Variants in CSH1 observed in about 807,000 individuals in gnomAD.
CSH1 encodes the protein Chorionic somatomammotropin hormone 2.
A neutral mutation model predicts 19.4 loss-of-function variants in CSH1; 17 were observed. The ratio of observed to expected loss-of-function variants is 0.88; its 90% CI spans 0.60 to 1.31. The LOEUF is 1.31. CSH1 is among the 40% of genes most tolerant of loss of function. The pLI is 0.00. For missense variants in CSH1, 190 were observed against 243.1 expected, an observed-to-expected ratio of 0.78 and a Z score of 1.45; for synonymous variants, 72 against 104.6, an observed-to-expected ratio of 0.69 and a Z score of 1.90.
At chr17:63,896,381 A>T in intron 1 of CSH1, 121 bp downstream of exon 1, 1 of 1,514,670 alleles carries the variant, frequency 6.6e-7, no homozygotes. Flanking sequence ...ATCTGGCCTT[A>T]GATGGCGATA....
chr17:63,895,141 G>C lies in CSH1; in HGVS notation c.535C>G (p.His179Asp), dbSNP rs535585252. The change falls in exon 5 of 5, where the codon CAT (histidine) becomes GAT (aspartate). Residue 179 changes from histidine (H) to aspartate (D), a missense_variant. Around this residue, in one of 3 missense-constraint regions of CSH1, gnomAD observed 175 missense variants for 187.2 expected, o/e 0.93. Transcript: ENST00000316193. ...YSKFDTNSHNHDALLKNYGLL... is the reference protein window; with the variant it reads ...YSKFDTNSHNDDALLKNYGLL... ...CCGTAGTTCTTGAGCAGTGCGTCAT[G>C]GTTGTGCGAGTTTGTGTCAAACTTG... 4.9e-5 allele frequency: 79 copies of C among 1,612,840 alleles called. 2 individuals are homozygous for C. The highest frequency in any genetic ancestry group is 6.5e-5 in the Non-Finnish European group (77 of 1,179,580).
rs1481579131 is a variant in CSH1 at position 63,895,584 on chromosome 17, G to C, written c.345C>G (p.Pro115=). 6.3e-7 allele frequency: 1 copy of C among 1,590,334 alleles called. No homozygotes were observed. The highest frequency in any genetic ancestry group is 8.5e-7 in the Non-Finnish European group (1 of 1,172,546). ...SLLLIESWLE[P]VRFLRSMFAN... ...CGAACATACTCCTGAGGAACCGCAC[G>C]GGCTCCAGCCACGACTCGATGAGCA... Residue 115 remains proline, a synonymous_variant, in exon 4 of 5, where the codon CCC becomes CCG. Coordinates refer to ENST00000316193, the MANE Select transcript of CSH1 (RefSeq NM_001317.6).
chr17:63,895,577 A>G lies in CSH1; in HGVS notation c.352T>C (p.Phe118Leu). 6.3e-7 allele frequency: 1 copy of G among 1,593,074 alleles called. No individual in the cohort carries two copies. The highest frequency in any genetic ancestry group is 8.5e-7 in the Non-Finnish European group (1 of 1,173,642). The change falls in exon 4 of 5, where the codon TTC becomes CTC. Residue 118 changes from phenylalanine (F) to leucine (L), a missense_variant. Transcript: ENST00000316193. ...TTGTTGGCGAACATACTCCTGAGGA[A>G]CCGCACGGGCTCCAGCCACGACTCG... is the stretch of plus-strand genomic sequence containing the variant. ...LIESWLEPVR[F>L]LRSMFANNLV...
Position 63,895,652 on chromosome 17 carries a change from C to T in CSH1, c.292-15G>A. On this transcript the variant is annotated splice_polypyrimidine_tract_variant and intron_variant, in intron 3 of 4. Transcript: ENST00000316193. ...AGCTCTAGATTCTGCAGGGGAAGGA[C>T]CGGCAGTGGCTGTGCTGCCCGGGAG... The T allele has an allele frequency of 4.7e-6, 7 of 1,502,070 alleles. No individual in the cohort carries two copies. Among genetic ancestry groups the T allele is most frequent in the Non-Finnish European group, 6.2e-6 (7 of 1,124,448 alleles). 93.0% of individuals were successfully genotyped at this position (1,502,070 alleles called of 1,614,324 possible).
Position 63,895,566 on chromosome 17 carries a change from A to T in CSH1, c.363T>A (p.Ser121Arg). ...SWLEPVRFLR[S>R]MFANNLVYDT... is the part of the protein sequence containing the mutation. ...CATACACCAGGTTGTTGGCGAACAT[A>T]CTCCTGAGGAACCGCACGGGCTCCA... The change falls in exon 4 of 5, where the codon AGT (serine) becomes AGA (arginine). Residue 121 changes from serine to arginine, a missense_variant. Physicochemically the swap from Ser to Arg is moderately radical, Grantham distance 110. Coordinates refer to ENST00000316193, the MANE Select transcript of CSH1 (RefSeq NM_001317.6). The T allele has an allele frequency of 6.3e-7, 1 of 1,596,980 alleles. No homozygotes were observed. The highest frequency in any genetic ancestry group is 8.5e-7 in the Non-Finnish European group (1 of 1,175,016).
At chr17:63,895,447 T>C in intron 4 of CSH1, 26 bp downstream of exon 4, 1 of 1,612,874 alleles carries the variant, frequency 6.2e-7, no homozygotes. Context: ...GGTTCCAGGA[T>C]TGGTGACCCC....
rs780258409 is a variant in CSH1 at position 63,895,425 on chromosome 17, C to G, written c.456+48G>C. ...AGCAGTATTTCTCTCCCCCAGCCCT[C>G]GAAGCCAGTGGGGTTCCAGGATTGG... On this transcript the variant is annotated intron_variant, in intron 4 of 4. Coordinates refer to ENST00000316193, the MANE Select transcript of CSH1 (RefSeq NM_001317.6). 1.2e-5 allele frequency: 19 copies of G among 1,612,942 alleles called. No homozygotes were observed. The South Asian group carries it at 2.0e-4, about 17-fold the overall frequency.
chr17:63,895,389 A>T (rs773700936), intron 4 of CSH1, 84 bp downstream of exon 4: 3 of 1,612,724 alleles, frequency 1.9e-6, no homozygotes, highest in Non-Finnish European at 2.5e-6. Context: ...CCTTACTGCT[A>T]AAAAGAGGGC....
At chr17:63,895,273 C>T (rs761727001) in intron 4 of CSH1, 54 bp from the exon 5 acceptor site, 1 of 1,612,714 alleles carries the variant, frequency 6.2e-7, no homozygotes, top group East Asian at 2.2e-5. Context: ...CTGTTCCCTC[C>T]CTCTCTCATT....
At position 63,894,981 on chromosome 17, in the gene CSH1, G is replaced by C; in HGVS notation, c.*41C>G. The C allele has an allele frequency of 6.2e-7, 1 of 1,612,860 alleles. No homozygotes were observed. The highest frequency in any genetic ancestry group is 8.5e-7 in the Non-Finnish European group (1 of 1,179,570). Reference sequence around the variant, plus strand: ...ACTGGAGTGGCACCTTCAGGGCCAGGAGAGGCACTGGGGAGGGGTCACAGG... The same window carrying C: ...ACTGGAGTGGCACCTTCAGGGCCAGCAGAGGCACTGGGGAGGGGTCACAGG... On this transcript the variant is annotated 3_prime_UTR_variant, in exon 5 of 5. Transcript: ENST00000316193.
At position 63,895,867 on chromosome 17, in the gene CSH1, C is replaced by T; in HGVS notation, c.172-17G>A. On this transcript the variant is annotated splice_polypyrimidine_tract_variant and intron_variant, in intron 2 of 4. Transcript: ENST00000316193. ...GGTTTCTTCCTAGGAGAAGGACCCC[C>T]CACCAAGAAGGACTGCTGGTTTCTA... 4 of 485,592 alleles carry T rather than the reference C, an allele frequency of 8.2e-6. No homozygotes were observed. Among genetic ancestry groups the T allele is most frequent in the Non-Finnish European group, 1.3e-5 (4 of 305,726 alleles). 30.1% of individuals were successfully genotyped at this position (485,592 alleles called of 1,614,324 possible).
rs1188180358 is a variant in CSH1, at chr17:63,896,177, C to T, written c.69G>A (p.Glu23=). 2.6e-6 allele frequency: 3 copies of T among 1,165,080 alleles called. No homozygotes were observed. Among genetic ancestry groups the T allele is most frequent in the Admixed American group, 3.0e-5 (1 of 33,368 alleles). The allele number at this position is 1,165,080 out of a possible 1,614,324, so 72.2% of individuals were successfully genotyped here. ...FALLCLPWLQ[E]AGAVQTVPLS... is the part of the protein sequence containing the mutation. ...AGGGAACGGTTTGGACGGCACCAGC[C>T]TCTTGAAGCCAGGGCAGGCAGAGCA... Residue 23 remains glutamate, a synonymous_variant, in exon 2 of 5, where the codon GAG becomes GAA. Coordinates refer to ENST00000316193, the MANE Select transcript of CSH1 (RefSeq NM_001317.6).
rs1396714299 is a variant in CSH1, at chr17:63,896,383, A to G, written c.10+119T>C. The G allele has an allele frequency of 2.1e-4, 322 of 1,519,478 alleles. 5 individuals are homozygous for G. Among genetic ancestry groups the G allele is most frequent in the Non-Finnish European group, 7.3e-6 (8 of 1,099,566 alleles). The allele number at this position is 1,519,478 out of a possible 1,614,324, so 94.1% of individuals were successfully genotyped here. A position where few individuals can be genotyped will look rare whatever the true frequency, so the allele number is the denominator to read the frequency against. ...AGATTGGCCAAATATCTGGCCTTAGATGGCGATACTCACATTCATAAGCCC... is the reference window on the plus strand; with the variant it reads ...AGATTGGCCAAATATCTGGCCTTAGGTGGCGATACTCACATTCATAAGCCC... On this transcript the variant is annotated intron_variant, in intron 1 of 4. Transcript: ENST00000316193.
chr17:63,896,072 T>G lies in CSH1; in HGVS notation c.171+3A>C. On this transcript the variant is annotated splice_donor_region_variant and intron_variant, in intron 2 of 4. Coordinates refer to ENST00000316193, the MANE Select transcript of CSH1 (RefSeq NM_001317.6). ...GACCCGCACCCATTCCCCAAGAACTTACAAACTCCTGGTAGGTGTCAATGG... is the reference window on the plus strand; with the variant it reads ...GACCCGCACCCATTCCCCAAGAACTGACAAACTCCTGGTAGGTGTCAATGG... 9.8e-7 allele frequency: 1 copy of G among 1,020,082 alleles called. No homozygotes were observed. The highest frequency in any genetic ancestry group is 1.3e-6 in the Non-Finnish European group (1 of 764,854). 63.2% of individuals were successfully genotyped at this position (1,020,082 alleles called of 1,614,324 possible). A position where few individuals can be genotyped will look rare whatever the true frequency, so the allele number is the denominator to read the frequency against.
At chr17:63,896,391 A>G (rs1229957594) in intron 1 of CSH1, 111 bp downstream of exon 1, 51 of 1,510,154 alleles carry the variant, frequency 3.4e-5, no homozygotes, top group Non-Finnish European at 4.6e-5. Context: ...AGATGGCGAT[A>G]CTCACATTCA....
At position 63,895,455 on chromosome 17, in the gene CSH1, C is replaced by G. The variant is rs776831144; in HGVS notation, c.456+18G>C. Reference sequence around the variant, plus strand: ...CCAGTGGGGTTCCAGGATTGGTGACCCCTGGCGCCACCCTCACCCCCATCA... The same window carrying G: ...CCAGTGGGGTTCCAGGATTGGTGACGCCTGGCGCCACCCTCACCCCCATCA... On this transcript the variant is annotated intron_variant, in intron 4 of 4. Transcript: ENST00000316193. The G allele has an allele frequency of 6.2e-7, 1 of 1,612,794 alleles. No individual in the cohort carries two copies. The highest frequency in any genetic ancestry group is 8.5e-7 in the Non-Finnish European group (1 of 1,179,700).
At position 63,896,508 on chromosome 17, in the gene CSH1, C is replaced by T. The variant is rs761318026; in HGVS notation, c.4G>A (p.Ala2Thr). 1.1e-5 allele frequency: 17 copies of T among 1,613,282 alleles called. No individual in the cohort carries two copies. In the South Asian group the frequency reaches 1.1e-4, roughly 10 times the overall value. The part of the protein sequence containing the change: M[A>T]PGSRTSLLLA... ...GGATTTTAGGGGCGCTTACCTGGAG[C>T]CATTGCCACTAGGTGAGCTGTCCAC... is the stretch of plus-strand genomic sequence containing the variant. Residue 2 changes from alanine to threonine, a missense_variant, in exon 1 of 5, where the codon GCT (alanine) becomes ACT (threonine). Transcript: ENST00000316193.
At position 63,896,361 on chromosome 17, in the gene CSH1, T is replaced by C. The variant is rs970759706; in HGVS notation, c.11-126A>G. The C allele has an allele frequency of 2.5e-6, 4 of 1,594,828 alleles. No individual in the cohort carries two copies. In the African/African-American group the frequency reaches 5.5e-5, roughly 22 times the overall value. On this transcript the variant is annotated intron_variant, in intron 1 of 4. Coordinates refer to ENST00000316193, the MANE Select transcript of CSH1 (RefSeq NM_001317.6). ...TCCAGAGACCAGGAACATTCAGAGA[T>C]TGGCCAAATATCTGGCCTTAGATGG...
chr17:63,895,313 G>T, intron 4 of CSH1, 94 bp from the exon 5 acceptor site: 1 of 1,612,794 alleles, frequency 6.2e-7, no homozygotes, highest in African/African-American at 1.3e-5. Flanking sequence ...CCTTCAGGGT[G>T]TAGAGAAAGG....
Sources: allele counts gnomAD v4.1 joint callset, GRCh38; gene constraint gnomAD v4.1.1; regional missense constraint gnomAD v4.1.1; transcripts MANE v1.5; gene names NCBI Gene and HGNC (gene_info 2026-07-23, HGNC 2026-07-21).